FOXP4: variants seen among roughly 807,000 people sequenced by gnomAD.
The protein encoded by FOXP4 is forkhead box P4.
In FOXP4, 25 loss-of-function variants were observed where a neutral mutation model predicts 82.6. The ratio of observed to expected loss-of-function variants is 0.30; its 90% CI spans 0.22 to 0.42. The LOEUF is 0.42. Among genes scored for constraint, FOXP4 ranks in the 10% least tolerant of loss-of-function variants. FOXP4 has a pLI of 1.00. For missense variants in FOXP4, 785 were observed against 900.9 expected (o/e 0.87, Z 1.65); for synonymous variants, 415 against 388.2 (o/e 1.07, Z -0.81).
intron 15 of FOXP4, 151 bp from the exon 16 acceptor site, chr6:41,597,630 G>A: frequency 1.0e-6 from 1 of 957,116 alleles, no homozygotes. Context: ...AGGCTGAGTT[G>A]GGGCTTGGGG....
chr6:41,573,510 C>T (rs750836970), intron 2 of FOXP4, among the ~76,000 whole-genome samples: 7 of 151,886 alleles, frequency 4.6e-5, no homozygotes, highest in East Asian at 3.9e-4. Context: ...GCTTCATTAG[C>T]GAGACTGAGT....
At chr6:41,550,732 T>C (rs1371227714) in intron 1 of FOXP4, among the ~76,000 whole-genome samples, 4 of 152,234 alleles carry the variant, frequency 2.6e-5, no homozygotes, top group South Asian at 2.1e-4. Flanking sequence ...GTGCAGAATC[T>C]GGTGTTTCCA....
chr6:41,579,546 G>A (rs1765681035), intron 3 of FOXP4, among the ~76,000 whole-genome samples: 1 of 152,146 alleles, frequency 6.6e-6, no homozygotes. Flanking sequence ...GAGCTTGATG[G>A]TAGTGGGAGG....
In FOXP4 at chr6:41,584,904, C is replaced by T. The variant is rs1581765077; in HGVS notation, c.423+13C>T. ...CATGCTCCAGCAGGTGAGTCTGGCC[C>T]CAGGGCAGCTGGTCCCTCCTCCTCT... is the stretch of plus-strand genomic sequence containing the variant. On this transcript the variant is annotated intron_variant, in intron 4 of 16. Coordinates refer to ENST00000307972, the MANE Select transcript of FOXP4 (RefSeq NM_001012426.2). 2 of 1,603,572 alleles carry T rather than the reference C, an allele frequency of 1.2e-6. No individual in the cohort carries two copies. Among genetic ancestry groups the T allele is most frequent in the Non-Finnish European group, 1.7e-6 (2 of 1,175,706 alleles).
At position 41,587,141 on chromosome 6, in the gene FOXP4, C is replaced by A; in HGVS notation, c.643C>A (p.Gln215Lys). The A allele has an allele frequency of 6.2e-7, 1 of 1,604,492 alleles. No homozygotes were observed. Among genetic ancestry groups the A allele is most frequent in the South Asian group, 1.1e-5 (1 of 90,194 alleles). The change falls in exon 6 of 17, where the codon CAG (glutamine) becomes AAG (lysine). Residue 215 changes from glutamine (Q) to lysine (K), a missense_variant. Around this residue, in one of 3 missense-constraint regions of FOXP4, gnomAD observed 570 missense variants for 634.0 expected, o/e 0.90. Coordinates refer to ENST00000307972, the MANE Select transcript of FOXP4 (RefSeq NM_001012426.2). ...LQPNQASGPL[Q>K]TLPQAAVCPT... is the part of the protein sequence containing the mutation. ...GCCCAACCAAGCCTCGGGGCCCCTC[C>A]AGACCCTTCCGCAAGGTGAGCACCC...
At chr6:41,561,774 T>G (rs548808503) in intron 1 of FOXP4, among the ~76,000 whole-genome samples, 3 of 152,318 alleles carry the variant, frequency 2.0e-5, no homozygotes, top group African/African-American at 7.2e-5. Context: ...CATGTCCACA[T>G]GCCAGACTGA....
chr6:41,559,991 G>A (rs535438021), intron 1 of FOXP4, among the ~76,000 whole-genome samples: 1 of 152,256 alleles, frequency 6.6e-6, no homozygotes, highest in East Asian at 1.9e-4. Context: ...CTTCTACTCC[G>A]TGCTATTGTA....
At chr6:41,590,608 A>G (rs113599970) in intron 12 of FOXP4, among the ~76,000 whole-genome samples, 191 of 152,004 alleles carry the variant, frequency 1.3e-3, no homozygotes, top group Non-Finnish European at 2.1e-3. Flanking sequence ...TCATGTGCTC[A>G]TTTCCACGTA....
intron 5 of FOXP4, 101 bp downstream of exon 5, chr6:41,585,618 A>G: frequency 9.1e-7 from 1 of 1,095,976 alleles, no homozygotes; most frequent in Non-Finnish European, 1.3e-6. Context: ...AATAGTAGAA[A>G]AATCTAGAAA....
At chr6:41,587,600 G>C (rs948648415) in intron 7 of FOXP4, 88 bp downstream of exon 7, 8 of 1,191,898 alleles carry the variant, frequency 6.7e-6, no homozygotes, top group African/African-American at 3.1e-5. Context: ...TGTGAGGGAG[G>C]GGGTGGAGCC....
rs1411329465 is a variant in FOXP4 at position 41,591,186 on chromosome 6, G to A, written c.1435-35G>A. 1 of 1,567,554 alleles carries A rather than the reference G, an allele frequency of 6.4e-7. No individual in the cohort carries two copies. The highest frequency in any genetic ancestry group is 8.7e-7 in the Non-Finnish European group (1 of 1,149,970). ...CAGGGCTGTGACCCTTCGAGGCCCAGGCTGACGGTCCCTTTGCTTGTTCCT... is the reference window on the plus strand; with the variant it reads ...CAGGGCTGTGACCCTTCGAGGCCCAAGCTGACGGTCCCTTTGCTTGTTCCT... On this transcript the variant is annotated intron_variant, in intron 12 of 16. Transcript: ENST00000307972. This position sits in a 1 kb window ranked among gnomAD's most constrained non-coding sequence, Gnocchi z 4.2.
chr6:41,596,846 G>A (rs1266466041), intron 14 of FOXP4, among the ~76,000 whole-genome samples: 1 of 151,906 alleles, frequency 6.6e-6, no homozygotes, highest in Non-Finnish European at 1.5e-5. Flanking sequence ...AGACCGGAGA[G>A]AAAACGGGTG....
intron 3 of FOXP4, 30 bp downstream of exon 3, chr6:41,578,111 G>C: frequency 6.3e-7 from 1 of 1,593,116 alleles, no homozygotes. Context: ...GCTGGCTCTG[G>C]GTTGGGCTGG....
At chr6:41,584,999 A>G in intron 4 of FOXP4, 108 bp downstream of exon 4, 1 of 1,399,732 alleles carries the variant, frequency 7.1e-7, no homozygotes, top group East Asian at 2.5e-5. Context: ...AACCAGAGAG[A>G]CTGCTCAGGC....
At chr6:41,595,643 C>T (rs1383846314) in intron 14 of FOXP4, among the ~76,000 whole-genome samples, 4 of 152,034 alleles carry the variant, frequency 2.6e-5, no homozygotes, top group Admixed American at 6.5e-5. Context: ...GTTCTTGTTG[C>T]CCAGGCTAGA....
At chr6:41,579,908 A>G (rs1037529504) in intron 3 of FOXP4, among the ~76,000 whole-genome samples, 1 of 152,188 alleles carries the variant, frequency 6.6e-6, no homozygotes, top group Non-Finnish European at 1.5e-5. Flanking sequence ...TCACAGTCCT[A>G]TGGGAGAGGT....
intron 2 of FOXP4, among the ~76,000 whole-genome samples, chr6:41,569,668 G>C (rs1193136298): frequency 6.6e-6 from 1 of 152,216 alleles, no homozygotes; most frequent in Non-Finnish European, 1.5e-5. Context: ...AGCCGCTGGC[G>C]GCGGTGCTGA....
chr6:41,595,024 T>G, intron 14 of FOXP4, 33 bp downstream of exon 14: 1 of 1,612,936 alleles, frequency 6.2e-7, no homozygotes, highest in South Asian at 1.1e-5. Flanking sequence ...GGGCTGTACC[T>G]GCCCAGGGGG....
intron 3 of FOXP4, among the ~76,000 whole-genome samples, chr6:41,578,570 C>A (rs1562030091): frequency 6.6e-6 from 1 of 152,038 alleles, no homozygotes; most frequent in Non-Finnish European, 1.5e-5. Context: ...AGCTCTCTCG[C>A]AGTCTCTCCA....
Sources: gnomAD v4.1 joint callset for allele counts (sites outside exome capture counted in the v4.1 genomes callset) on GRCh38, gnomAD v4.1.1 for gene constraint, gnomAD v4.1.1 regional missense constraint, Gnocchi (gnomAD v3.1) non-coding constraint, MANE v1.5 for transcripts, NCBI Gene and HGNC (gene_info 2026-07-23, HGNC 2026-07-21) for gene names.